ZNF875: variants seen among roughly 807,000 people sequenced by gnomAD.
The protein encoded by ZNF875 is zinc finger protein 875, also known as HKR1, GLI-Kruppel zinc finger family member.
A neutral mutation model predicts 11.2 loss-of-function variants in ZNF875; 14 were observed. The observed-to-expected ratio is 1.26, with a 90% CI of 0.83 to 1.96. ZNF875 has a LOEUF of 1.96. Ranked by LOEUF, ZNF875 falls within the 30% of genes most tolerant of loss-of-function variation. The pLI is 0.00. For synonymous variants in ZNF875, 301 were observed against 281.1 expected, an observed-to-expected ratio of 1.07 and a Z score of -0.71; for missense variants, 752 against 760.4, an observed-to-expected ratio of 0.99 and a Z score of 0.13.
intron 1 of ZNF875, among the ~76,000 whole-genome samples, chr19:37,320,542 A>G (rs1352597386): frequency 6.6e-6 from 1 of 152,156 alleles, no homozygotes; most frequent in Non-Finnish European, 1.5e-5. Context: ...CCATCATTTT[A>G]TTATGTTTGT....
At chr19:37,345,588 G>A (rs2036609406) in intron 2 of ZNF875, among the ~76,000 whole-genome samples, 2 of 152,032 alleles carry the variant, frequency 1.3e-5, no homozygotes, top group Admixed American at 6.6e-5. Context: ...AGTGTGTTGC[G>A]GCTGATAGAC....
chr19:37,349,059 G>A (rs2037364073), intron 4 of ZNF875, among the ~76,000 whole-genome samples: 1 of 152,140 alleles, frequency 6.6e-6, no homozygotes, highest in South Asian at 2.1e-4. Flanking sequence ...GCTTCTGGAG[G>A]TTTGCTGGCA....
chr19:37,357,951 C>T, intron 4 of ZNF875: 1 of 398,270 alleles, frequency 2.5e-6, no homozygotes, highest in Admixed American at 4.4e-5. Context: ...TTTTCTTGTT[C>T]CACTTCTTAG....
chr19:37,327,705 A>G (rs993237580), intron 4 of ZNF875, among the ~76,000 whole-genome samples: 9 of 150,204 alleles, frequency 6.0e-5, no homozygotes, highest in Admixed American at 4.0e-4. Flanking sequence ...CAGAGGTTGC[A>G]GTGAGCCGTG....
chr19:37,317,186 T>TTTC (rs1555790007), upstream of ZNF875: 1 of 131,286 alleles, frequency 7.6e-6, no homozygotes, highest in African/African-American at 2.8e-5. Flanking sequence ...CTGGTTTTTT[T>TTTC]TTTTTTTTTT....
At chr19:37,335,371 A>G in intron 2 of ZNF875, 114 bp downstream of exon 2, 1 of 589,844 alleles carries the variant, frequency 1.7e-6, no homozygotes, top group South Asian at 1.9e-5. Flanking sequence ...AGCCCTAGTC[A>G]TTCCTAGTCC....
chr19:37,339,550 T>TG (rs2035243002), intron 2 of ZNF875, among the ~76,000 whole-genome samples: 2 of 146,670 alleles, frequency 1.4e-5, no homozygotes, highest in South Asian at 2.3e-4. Context: ...GCCAGTTTTT[T>TG]TTTTTTTTTT....
At chr19:37,341,718 G>C (rs2035762042) in intron 2 of ZNF875, among the ~76,000 whole-genome samples, 2 of 152,110 alleles carry the variant, frequency 1.3e-5, no homozygotes, top group South Asian at 4.1e-4. Context: ...ATCCCCAAAA[G>C]TTTCATCTTG....
At chr19:37,340,644 CTTTTTTTT>C in intron 2 of ZNF875, among the ~76,000 whole-genome samples, 2 of 104,716 alleles carry the variant, frequency 1.9e-5, no homozygotes, top group South Asian at 6.6e-4. Context: ...CTTATGTGTA[CTTTTTTTT>C]TTTTTTTTTT....
chr19:37,318,165 A>G (rs1258018883), exon 1 of ZNF875: 1 of 153,682 alleles, frequency 6.5e-6, no homozygotes. Context: ...GACCTCTGAC[A>G]CGTATTGTCT....
chr19:37,317,438 T>C (rs1441843013), upstream of ZNF875, among the ~76,000 whole-genome samples: 1 of 152,118 alleles, frequency 6.6e-6, no homozygotes, highest in Non-Finnish European at 1.5e-5. Flanking sequence ...CCTCCCAAAG[T>C]GTTGGGATTA....
upstream of ZNF875, among the ~76,000 whole-genome samples, chr19:37,330,871 A>G (rs962727974): frequency 1.5e-4 from 23 of 152,122 alleles, no homozygotes; most frequent in African/African-American, 5.6e-4. Context: ...AGTTTTTCAA[A>G]TTAGAAGTTT....
chr19:37,326,588 T>C (rs989186727), intron 4 of ZNF875, among the ~76,000 whole-genome samples: 21 of 152,044 alleles, frequency 1.4e-4, no homozygotes, highest in African/African-American at 5.1e-4. Flanking sequence ...GATACATTAG[T>C]GACTCACATA....
chr19:37,313,541 C>T (rs538774485), upstream of ZNF875, among the ~76,000 whole-genome samples: 146 of 152,162 alleles, frequency 9.6e-4, no homozygotes, highest in Admixed American at 1.7e-3. Context: ...ACCCTACATA[C>T]CTACAATCAT....
chr19:37,344,789 G>C (rs970191779), intron 2 of ZNF875: 32 of 1,439,748 alleles, frequency 2.2e-5, no homozygotes, highest in Non-Finnish European at 3.1e-5. Flanking sequence ...TATTAAATGT[G>C]TTAAAGTAAC....
chr19:37,321,350 T>G (rs1310757142), intron 1 of ZNF875, among the ~76,000 whole-genome samples: 3 of 152,172 alleles, frequency 2.0e-5, no homozygotes, highest in African/African-American at 7.2e-5. Context: ...GCACCAAGAT[T>G]TTTATGTATG....
chr19:37,347,190 G>A lies in ZNF875; in HGVS notation c.34G>A (p.Ala12Thr). 3 of 1,613,992 alleles carry A rather than the reference G, an allele frequency of 1.9e-6. No individual in the cohort carries two copies. Among genetic ancestry groups the A allele is most frequent in the Non-Finnish European group, 2.5e-6 (3 of 1,179,956 alleles). Residue 12 changes from alanine (A) to threonine (T), a missense_variant and splice_region_variant, in exon 3 of 5, where the codon GCG (alanine) becomes ACG (threonine). By Grantham distance (58) the Ala-to-Thr change is moderately conservative (BLOSUM62 0). Coordinates refer to ENST00000392153, the MANE Select transcript of ZNF875 (RefSeq NM_001353803.2). The part of the protein sequence containing the change: ...ATGLLRAKKE[A>T]FVAFRDVAVY... The stretch of plus-strand genomic sequence containing the variant: ...AGCAGAGGTGTGTTTTGTGTTAAAG[G>A]CGTTCGTGGCATTCAGGGATGTGGC...
At chr19:37,315,136 T>C (rs1286554113), upstream of ZNF875, 1 of 152,040 alleles carries the variant, frequency 6.6e-6, no homozygotes, top group Non-Finnish European at 1.5e-5. Context: ...TTACACAACA[T>C]GTGGTCTTTT....
rs2035243900 is a variant in ZNF875 at position 37,339,550 on chromosome 19, T to TTG, written c.33+4294_33+4295insGT. On this transcript the variant is annotated intron_variant, in intron 2 of 4. Transcript: ENST00000392153. ...GGAGATTTGAACCCTGCCAGTTTTT[T>TTG]TTTTTTTTTTTTTTGAGACAGAGTC... Among the ~76,000 whole-genome samples the TTG allele has an allele frequency of 2.0e-5, 3 of 146,776 alleles. No individual in the cohort carries two copies. The South Asian group carries it at 6.8e-4, about 33-fold the overall frequency.
Sources: gnomAD v4.1 joint callset for allele counts (sites outside exome capture counted in the v4.1 genomes callset) on GRCh38, gnomAD v4.1.1 for gene constraint, MANE v1.5 for transcripts, NCBI Gene and HGNC (gene_info 2026-07-23, HGNC 2026-07-21) for gene names.